Variants in CPNE5 observed in about 807,000 individuals in gnomAD.
CPNE5 encodes the protein copine 5, also known as copine-5.
CPNE5 carries 42 observed loss-of-function variants against 81.1 expected under a neutral mutation model. The ratio of observed to expected loss-of-function variants is 0.52; its 90% CI spans 0.40 to 0.67. The LOEUF is 0.67. CPNE5 is among the 30% of genes least tolerant of loss of function. The pLI is 0.00. For synonymous variants in CPNE5, 313 were observed against 321.5 expected, an observed-to-expected ratio of 0.97 and a Z score of 0.28; for missense variants, 612 against 815.5, an observed-to-expected ratio of 0.75 and a Z score of 3.04.
At chr6:36,820,077 T>C (rs761813828) in intron 3 of CPNE5, among the ~76,000 whole-genome samples, 2 of 152,188 alleles carry the variant, frequency 1.3e-5, no homozygotes, top group African/African-American at 4.8e-5. Context: ...GACTTCAACC[T>C]TGTCCTTGCT....
At chr6:36,838,674 AGTT>A (rs905408380) in intron 1 of CPNE5, 1 of 711,388 alleles carries the variant, frequency 1.4e-6, no homozygotes, top group African/African-American at 1.9e-5. Flanking sequence ...TGCCACTTTA[AGTT>A]GTTATCATGT....
In CPNE5 at chr6:36,742,661, C is replaced by A. The variant is rs1014442760; in HGVS notation, c.1564-175G>T. The A allele has an allele frequency of 3.0e-6, 3 of 984,284 alleles. No homozygotes were observed. In the African/African-American group the frequency reaches 5.3e-5, roughly 17 times the overall value. 61.0% of individuals were successfully genotyped at this position (984,284 alleles called of 1,614,324 possible). ...TATCCCTCAACTCCCTGGGTTTGGGCAGTCAGTAACTATAGTCATAGTCAC... is the reference window on the plus strand; with the variant it reads ...TATCCCTCAACTCCCTGGGTTTGGGAAGTCAGTAACTATAGTCATAGTCAC... On this transcript the variant is annotated intron_variant, in intron 20 of 20. Coordinates refer to ENST00000244751, the MANE Select transcript of CPNE5 (RefSeq NM_020939.2).
At chr6:36,821,468 T>G (rs1438854931) in intron 3 of CPNE5, among the ~76,000 whole-genome samples, 1 of 151,868 alleles carries the variant, frequency 6.6e-6, no homozygotes, top group Non-Finnish European at 1.5e-5. Context: ...GAGACCCCAT[T>G]CACTTCACAA....
Position 36,764,073 on chromosome 6 carries a change from G to A in CPNE5, c.780-1081C>T, listed in dbSNP as rs1265476592. Among the ~76,000 whole-genome samples the A allele has an allele frequency of 2.0e-5, 3 of 150,830 alleles. No homozygotes were observed. In the East Asian group the frequency reaches 5.9e-4, roughly 30 times the overall value. On this transcript the variant is annotated intron_variant, in intron 11 of 20. Coordinates refer to ENST00000244751, the MANE Select transcript of CPNE5 (RefSeq NM_020939.2). The stretch of plus-strand genomic sequence containing the variant: ...GACTGATGCCCAAGAGGTGTCCCTG[G>A]GGCCCCACCCCCCCACCCCCCACCG...
chr6:36,762,032 G>A (rs779851118), intron 12 of CPNE5, among the ~76,000 whole-genome samples: 5 of 151,992 alleles, frequency 3.3e-5, no homozygotes, highest in Admixed American at 6.6e-5. Flanking sequence ...CAGGAGGATC[G>A]CTTGAGCCCA....
intron 4 of CPNE5, among the ~76,000 whole-genome samples, chr6:36,799,139 CCACT>C (rs1307655012): frequency 3.9e-5 from 6 of 152,126 alleles, no homozygotes; most frequent in Non-Finnish European, 8.8e-5. Context: ...TCCCACCCAC[CCACT>C]GGCATCTCTG....
intron 1 of CPNE5, among the ~76,000 whole-genome samples, chr6:36,834,251 T>C (rs1773222198): frequency 1.2e-4 from 1 of 8,162 alleles, no homozygotes; most frequent in Non-Finnish European, 1.9e-4. Context: ...AGAGACTGTA[T>C]CTCAAAAAAA....
chr6:36,775,905 A>G (rs1767455453), intron 9 of CPNE5, among the ~76,000 whole-genome samples: 1 of 152,154 alleles, frequency 6.6e-6, no homozygotes, highest in Non-Finnish European at 1.5e-5. Flanking sequence ...TTTTAAATGA[A>G]TCAATGTATT....
At chr6:36,744,912 G>C in intron 18 of CPNE5, 136 bp downstream of exon 18, 1 of 663,920 alleles carries the variant, frequency 1.5e-6, no homozygotes, top group South Asian at 1.7e-5. Context: ...AGTGAGGCAG[G>C]GAAATGAGAA....
chr6:36,778,546 T>C (rs1418866510), intron 9 of CPNE5, among the ~76,000 whole-genome samples: 3 of 152,174 alleles, frequency 2.0e-5, no homozygotes, highest in South Asian at 4.1e-4. Context: ...CCCCTATTCC[T>C]GCCCTAGCCC....
chr6:36,811,312 T>C (rs892233009), intron 3 of CPNE5, among the ~76,000 whole-genome samples: 2 of 152,212 alleles, frequency 1.3e-5, no homozygotes, highest in African/African-American at 2.4e-5. Context: ...GGCATCACGA[T>C]GTCTGAAATG....
At chr6:36,821,238 C>G (rs776724645) in intron 3 of CPNE5, among the ~76,000 whole-genome samples, 1 of 150,912 alleles carries the variant, frequency 6.6e-6, no homozygotes, top group Non-Finnish European at 1.5e-5. Flanking sequence ...GGGGGCGGGC[C>G]GTGTGACTGG....
chr6:36,762,870 T>TG (rs751136838), intron 12 of CPNE5, 47 bp downstream of exon 12: 2 of 1,490,860 alleles, frequency 1.3e-6, no homozygotes, highest in Admixed American at 3.3e-5. Context: ...CCTCAGTGAC[T>TG]GGGCCACTTA....
intron 18 of CPNE5, chr6:36,744,632 T>C (rs931389793): frequency 2.0e-6 from 1 of 498,650 alleles, no homozygotes; most frequent in African/African-American, 1.9e-5. Flanking sequence ...GGAGCCATGT[T>C]CCTGAGCTTC....
chr6:36,743,228 T>C, intron 20 of CPNE5: 1 of 985,434 alleles, frequency 1.0e-6, no homozygotes, highest in Non-Finnish European at 1.2e-6. Context: ...TGAGACTGCA[T>C]GGGAATTCCC....
At chr6:36,767,453 G>A (rs951178675) in intron 10 of CPNE5, among the ~76,000 whole-genome samples, 35 of 152,334 alleles carry the variant, frequency 2.3e-4, no homozygotes, top group African/African-American at 6.7e-4. Flanking sequence ...GTCTGAGCCA[G>A]AACAAGACCA....
At chr6:36,752,930 C>T in intron 14 of CPNE5, 104 bp downstream of exon 14, 3 of 904,590 alleles carry the variant, frequency 3.3e-6, no homozygotes, top group South Asian at 1.5e-5. Context: ...AGCCTTCAAC[C>T]AGGGCTTTGA....
intron 3 of CPNE5, among the ~76,000 whole-genome samples, chr6:36,804,856 C>A (rs1233796847): frequency 6.6e-6 from 1 of 152,152 alleles, no homozygotes; most frequent in Non-Finnish European, 1.5e-5. Flanking sequence ...ACTCCTAGAG[C>A]AGGAAAGGGG....
chr6:36,785,018 A>G (rs1393575417), intron 8 of CPNE5, among the ~76,000 whole-genome samples: 1 of 152,200 alleles, frequency 6.6e-6, no homozygotes, highest in African/African-American at 2.4e-5. Context: ...CAGAGAAGAT[A>G]AAGCAGCTCC....
Sources: allele counts gnomAD v4.1 joint callset (sites outside exome capture counted in the v4.1 genomes callset), GRCh38; gene constraint gnomAD v4.1.1; transcripts MANE v1.5; gene names NCBI Gene and HGNC (gene_info 2026-07-23, HGNC 2026-07-21).